Variants in RBBP8 observed in about 807,000 individuals in gnomAD.
RBBP8 encodes RB binding protein 8, endonuclease.
Under a neutral mutation model 108.3 loss-of-function variants are expected in RBBP8, and 88 were observed. The ratio of observed to expected loss-of-function variants is 0.81; its 90% CI spans 0.68 to 0.97. RBBP8 has a LOEUF of 0.97. RBBP8 is among the 50% of genes least tolerant of loss of function. The pLI, the probability that RBBP8 is intolerant of heterozygous loss-of-function variation, is 0.00. For synonymous variants in RBBP8, 332 were observed against 348.2 expected (o/e 0.95, Z 0.52); for missense variants, 1,023 against 1,049.0 (o/e 0.98, Z 0.34).
rs73398623 is a variant in RBBP8, at chr18:22,969,076, C to G, written c.361+158C>G. ...TTTTTGTACTTTTTGTAGATTTAAT[C>G]TCATGCTTAATTTAGTAAGAAATAG... On this transcript the variant is annotated intron_variant, in intron 5 of 18. Transcript: ENST00000327155. 2.6e-3 allele frequency among the ~76,000 whole-genome samples: 391 copies of G among 151,854 alleles called. 5 individuals carry two copies. The highest frequency in any genetic ancestry group is 9.1e-3 in the African/African-American group (375 of 41,432).
chr18:22,952,717 T>C (rs1223559204), intron 4 of RBBP8, among the ~76,000 whole-genome samples: 2 of 152,196 alleles, frequency 1.3e-5, no homozygotes, highest in African/African-American at 4.8e-5. Context: ...AATCATTAGT[T>C]ACTCATCTGT....
At chr18:22,951,710 AC>A (rs1303493941) in intron 4 of RBBP8, among the ~76,000 whole-genome samples, 2 of 152,162 alleles carry the variant, frequency 1.3e-5, no homozygotes, top group Non-Finnish European at 2.9e-5. Context: ...CAGGTTGTTT[AC>A]CCATGCTTTG....
At chr18:23,012,207 C>CAAAAAAAAAAAAAAAAAAAAAAAAAAA (rs368600707) in intron 16 of RBBP8, among the ~76,000 whole-genome samples, 2 of 81,144 alleles carry the variant, frequency 2.5e-5, no homozygotes, top group African/African-American at 9.4e-5. Flanking sequence ...GATGCTGTCT[C>CAAAAAAAAAAAAAAAAAAAAAAAAAAA]CAAAAAAAAA....
chr18:23,011,359 T>C (rs982599221), intron 16 of RBBP8, among the ~76,000 whole-genome samples: 4 of 152,200 alleles, frequency 2.6e-5, no homozygotes, highest in African/African-American at 9.6e-5. Flanking sequence ...TGTGTCACAT[T>C]TTAGTAATTC....
intron 8 of RBBP8, among the ~76,000 whole-genome samples, chr18:22,986,807 C>G (rs1915358115): frequency 6.6e-6 from 1 of 152,080 alleles, no homozygotes; most frequent in African/African-American, 2.4e-5. Flanking sequence ...ACATGTGTGT[C>G]TGTTTGTCTG....
chr18:22,937,051 C>CT, intron 2 of RBBP8, 91 bp downstream of exon 2: 1 of 1,565,408 alleles, frequency 6.4e-7, no homozygotes, highest in Non-Finnish European at 8.6e-7. Flanking sequence ...TTTATTATTT[C>CT]TATTTCAGCT....
At chr18:22,916,927 T>C (rs1401934509) in intron 2 of RBBP8, 1 of 152,204 alleles carries the variant, frequency 6.6e-6, no homozygotes, top group Non-Finnish European at 1.5e-5. Flanking sequence ...ATAGTATTCT[T>C]TAAATTTGGT....
At chr18:22,969,990 C>G (rs759680254) in intron 5 of RBBP8, among the ~76,000 whole-genome samples, 1 of 152,162 alleles carries the variant, frequency 6.6e-6, no homozygotes, top group Non-Finnish European at 1.5e-5. Context: ...GGTTCCAGGA[C>G]CCTGACGCAT....
intron 3 of RBBP8, among the ~76,000 whole-genome samples, chr18:22,917,796 C>T (rs758726385): frequency 6.6e-6 from 1 of 151,856 alleles, no homozygotes; most frequent in Non-Finnish European, 1.5e-5. Context: ...GTCAGGTGTT[C>T]GAGACAAGCC....
intron 9 of RBBP8, 112 bp from the exon 10 acceptor site, chr18:22,990,825 C>G: frequency 2.7e-6 from 2 of 746,878 alleles, no homozygotes; most frequent in East Asian, 2.8e-5. Context: ...TGTCTGGCTT[C>G]TTAGTATATT....
intron 2 of RBBP8, among the ~76,000 whole-genome samples, chr18:22,916,319 T>A (rs1304745360): frequency 6.6e-6 from 1 of 152,078 alleles, no homozygotes; most frequent in Non-Finnish European, 1.5e-5. Flanking sequence ...ATTATGTCAT[T>A]TTTTACCTAA....
chr18:22,998,773 C>G (rs1429542940), intron 14 of RBBP8, among the ~76,000 whole-genome samples: 1 of 152,210 alleles, frequency 6.6e-6, no homozygotes, highest in Non-Finnish European at 1.5e-5. Flanking sequence ...TGCAGTAAAT[C>G]AAAGAAAACT....
At chr18:22,995,901 T>C (rs955556168) in intron 12 of RBBP8, among the ~76,000 whole-genome samples, 4 of 152,236 alleles carry the variant, frequency 2.6e-5, no homozygotes, top group Non-Finnish European at 5.9e-5. Flanking sequence ...TCTTGGATTA[T>C]ACCTAGGAGT....
chr18:22,959,862 T>C (rs1420649608), intron 4 of RBBP8, among the ~76,000 whole-genome samples: 1 of 143,006 alleles, frequency 7.0e-6, no homozygotes, highest in African/African-American at 2.5e-5. Flanking sequence ...CTATATAAGA[T>C]GAACTTTCTT....
At chr18:22,936,105 C>A (rs9966036) in intron 1 of RBBP8, among the ~76,000 whole-genome samples, 74,733 of 151,866 alleles carry the variant, frequency 0.49, 21,704 homozygotes, top group Middle Eastern at 0.67. Context: ...GTTAAAAAAA[C>A]CAATTTTTTT....
chr18:23,002,656 GTT>G (rs58911269), intron 15 of RBBP8, among the ~76,000 whole-genome samples: 77,039 of 151,714 alleles, frequency 0.51, 22,854 homozygotes, highest in African/African-American at 0.84. Context: ...TTTTCTCCTT[GTT>G]TTATTAAATT....
intron 18 of RBBP8, chr18:23,024,650 C>G (rs1244253108): frequency 6.6e-6 from 1 of 152,182 alleles, no homozygotes; most frequent in African/African-American, 2.4e-5. Context: ...ACAGATTGAA[C>G]TGCTTCTTTT....
At chr18:22,924,893 CT>C (rs139454812) in intron 3 of RBBP8, among the ~76,000 whole-genome samples, 2,010 of 145,342 alleles carry the variant, frequency 0.014, 44 homozygotes, top group African/African-American at 0.043. Flanking sequence ...AGGAAGGAAG[CT>C]TTTTTTTTTT....
chr18:22,947,823 C>T (rs1567952887), intron 3 of RBBP8, among the ~76,000 whole-genome samples: 1 of 152,052 alleles, frequency 6.6e-6, no homozygotes, highest in East Asian at 1.9e-4. Flanking sequence ...CTTTATGTTA[C>T]CACTTTCTTG....
Sources: gnomAD v4.1 joint callset for allele counts (sites outside exome capture counted in the v4.1 genomes callset) on GRCh38, gnomAD v4.1.1 for gene constraint, MANE v1.5 for transcripts, NCBI Gene and HGNC (gene_info 2026-07-23, HGNC 2026-07-21) for gene names.